The following SMCHD1 variants were observed in gnomAD, a reference collection of about 807,000 sequenced individuals.
The protein encoded by SMCHD1 is structural maintenance of chromosomes flexible hinge domain-containing protein 1.
A neutral mutation model predicts 254.7 loss-of-function variants in SMCHD1; 78 were observed. The ratio of observed to expected loss-of-function variants is 0.31; its 90% CI spans 0.26 to 0.37. The LOEUF is 0.37. Ranked by LOEUF, SMCHD1 falls within the 10% of genes least tolerant of loss-of-function variation. SMCHD1 has a pLI of 1.00. For synonymous variants in SMCHD1, 766 were observed against 794.9 expected (o/e 0.96, Z 0.61); for missense variants, 1,840 against 2,408.1 (o/e 0.76, Z 4.94).
chr18:2,797,147 A>C (rs553277436), intron 47 of SMCHD1, among the ~76,000 whole-genome samples: 21 of 152,308 alleles, frequency 1.4e-4, no homozygotes, highest in African/African-American at 5.1e-4. Flanking sequence ...GTAACTTAAT[A>C]AGTATAGAAT....
chr18:2,761,247 G>A (rs1178357248), intron 35 of SMCHD1, among the ~76,000 whole-genome samples: 1 of 152,106 alleles, frequency 6.6e-6, no homozygotes, highest in Non-Finnish European at 1.5e-5. Flanking sequence ...AACAGTAAAC[G>A]CTGGGGATTG....
chr18:2,666,808 T>C, intron 2 of SMCHD1, 62 bp from the exon 3 acceptor site: 1 of 1,332,958 alleles, frequency 7.5e-7, no homozygotes, highest in Non-Finnish European at 1.0e-6. Flanking sequence ...ATATTCACAA[T>C]TATAAGTTCA....
In SMCHD1 at chr18:2,663,249, G is replaced by T. The variant is rs1392190144; in HGVS notation, c.187-2908G>T. 2.0e-5 allele frequency among the ~76,000 whole-genome samples: 3 copies of T among 151,720 alleles called. No individual in the cohort carries two copies. In the South Asian group the frequency reaches 6.2e-4, roughly 32 times the overall value. ...GCCTCTTGAGTGGTTGTGACTACAC[G>T]TGTGCACCACCATGCCCAGCTATTT... On this transcript the variant is annotated intron_variant, in intron 1 of 47. Transcript: ENST00000320876.
chr18:2,715,874 T>A (rs1052235866), intron 17 of SMCHD1, among the ~76,000 whole-genome samples: 1 of 152,144 alleles, frequency 6.6e-6, no homozygotes, highest in Non-Finnish European at 1.5e-5. Flanking sequence ...AATCAGTATT[T>A]TGAATTTTTT....
intron 12 of SMCHD1, 55 bp downstream of exon 12, chr18:2,700,973 AAAAG>A: frequency 7.7e-7 from 1 of 1,304,214 alleles, no homozygotes; most frequent in Non-Finnish European, 1.0e-6. Context: ...ATTTTTAAGT[AAAAG>A]AAGACACTAG....
At chr18:2,771,982 AAG>A (rs1372282306) in intron 40 of SMCHD1, among the ~76,000 whole-genome samples, 17 of 152,330 alleles carry the variant, frequency 1.1e-4, no homozygotes, top group South Asian at 8.3e-4. Flanking sequence ...GTTTCAAGAG[AAG>A]TCCTATTATA....
chr18:2,781,605 ATATC>A (rs2076157710), intron 44 of SMCHD1, among the ~76,000 whole-genome samples: 1 of 152,212 alleles, frequency 6.6e-6, no homozygotes, highest in African/African-American at 2.4e-5. Flanking sequence ...AAATTGAAAA[ATATC>A]TATATTAATA....
intron 26 of SMCHD1, 34 bp from the exon 27 acceptor site, chr18:2,739,398 C>T: frequency 6.7e-7 from 1 of 1,497,762 alleles, no homozygotes; most frequent in Non-Finnish European, 9.3e-7. Flanking sequence ...TTAATGGTGT[C>T]ACTAAAGACT....
chr18:2,684,986 C>T (rs1186956395), intron 5 of SMCHD1, among the ~76,000 whole-genome samples: 1 of 151,576 alleles, frequency 6.6e-6, no homozygotes, highest in Admixed American at 6.6e-5. Flanking sequence ...TATTCATTTG[C>T]CTCTCTCCTT....
chr18:2,663,721 A>ATTTTTTTT (rs577543378), intron 1 of SMCHD1, among the ~76,000 whole-genome samples: 149 of 146,522 alleles, frequency 1.0e-3, no homozygotes, highest in African/African-American at 3.5e-3. Flanking sequence ...TATTCCAGGA[A>ATTTTTTTT]TTTTTTTTTT....
At chr18:2,757,893 T>TTA (rs2075712353) in intron 34 of SMCHD1, among the ~76,000 whole-genome samples, 2 of 151,876 alleles carry the variant, frequency 1.3e-5, no homozygotes, top group Non-Finnish European at 2.9e-5. Context: ...TATTATTATT[T>TTA]TTTTCTTGCA....
intron 45 of SMCHD1, chr18:2,784,968 T>C (rs1443986435): frequency 5.4e-6 from 2 of 370,722 alleles, no homozygotes; most frequent in African/African-American, 2.2e-5. Flanking sequence ...AAAGAAGAAA[T>C]TTCTGTCATT....
rs757510495 is a variant in SMCHD1, at chr18:2,796,499, C to A, written c.5971C>A (p.Arg1991=). 6.3e-7 allele frequency: 1 copy of A among 1,598,790 alleles called. No individual in the cohort carries two copies. Among genetic ancestry groups the A allele is most frequent in the Non-Finnish European group, 8.5e-7 (1 of 1,172,052 alleles). ...TCCAGTTCCTCCTAAAAGAATGAGA[C>A]GAGAAGCTACAAGACAAAATAGGTG... ...DCPVPPKRMR[R]EATRQNRIIT... is the part of the protein sequence containing the mutation. The change falls in exon 47 of 48, where the codon CGA becomes AGA. Residue 1991 remains arginine, a synonymous_variant. Coordinates refer to ENST00000320876, the MANE Select transcript of SMCHD1 (RefSeq NM_015295.3).
In SMCHD1 at chr18:2,766,133, A is replaced by G. The variant is rs549189329; in HGVS notation, c.4719+2344A>G. ...CTCAGCCTCCCAAGTAGCTGGTACT[A>G]CAGGCACCCACCACCACATCTAGCT... On this transcript the variant is annotated intron_variant, in intron 37 of 47. Coordinates refer to ENST00000320876, the MANE Select transcript of SMCHD1 (RefSeq NM_015295.3). 1.6e-4 allele frequency among the ~76,000 whole-genome samples: 24 copies of G among 152,184 alleles called. No individual in the cohort carries two copies. The East Asian group carries it at 3.5e-3, about 22-fold the overall frequency.
chr18:2,659,655 C>T (rs1339220696), intron 1 of SMCHD1, among the ~76,000 whole-genome samples: 1 of 151,344 alleles, frequency 6.6e-6, no homozygotes, highest in East Asian at 1.9e-4. Flanking sequence ...AAATTGTCTA[C>T]ATTTTCCTTT....
Position 2,698,520 on chromosome 18 carries a change from G to T in SMCHD1, c.1342+479G>T, listed in dbSNP as rs187375276. Among the ~76,000 whole-genome samples the T allele has an allele frequency of 4.6e-3, 697 of 152,130 alleles. 6 individuals carry two copies. Among genetic ancestry groups the T allele is most frequent in the Non-Finnish European group, 5.5e-3 (373 of 68,008 alleles). ...TTTTCTTTTTTGTATGTAGAGCAAGGTGGGGTTTTATTTATTTATTTAAAT... is the reference window on the plus strand; with the variant it reads ...TTTTCTTTTTTGTATGTAGAGCAAGTTGGGGTTTTATTTATTTATTTAAAT... On this transcript the variant is annotated intron_variant, in intron 10 of 47. Coordinates refer to ENST00000320876, the MANE Select transcript of SMCHD1 (RefSeq NM_015295.3).
chr18:2,711,791 G>A (rs1015690064), intron 17 of SMCHD1, among the ~76,000 whole-genome samples: 2 of 152,178 alleles, frequency 1.3e-5, no homozygotes, highest in African/African-American at 4.8e-5. Context: ...CTGGATGTTT[G>A]TCTTGATCCC....
At chr18:2,728,263 G>T (rs541708294) in intron 22 of SMCHD1, 194 bp from the exon 23 acceptor site, 2 of 529,428 alleles carry the variant, frequency 3.8e-6, no homozygotes, top group Non-Finnish European at 6.5e-6. Context: ...ATACAATTGA[G>T]ATAAGTCTTG....
chr18:2,707,549 T>C lies in SMCHD1; in HGVS notation c.2064-14T>C. ...CAAAGTTTGTGGAACATTAATATGC[T>C]GGTTTCATAACAGGCTCCCTGATAG... On this transcript the variant is annotated splice_polypyrimidine_tract_variant and intron_variant, in intron 15 of 47. Coordinates refer to ENST00000320876, the MANE Select transcript of SMCHD1 (RefSeq NM_015295.3). 1.3e-6 allele frequency: 2 copies of C among 1,544,592 alleles called. No homozygotes were observed. Among genetic ancestry groups the C allele is most frequent in the South Asian group, 1.2e-5 (1 of 84,544 alleles).
Sources: allele counts gnomAD v4.1 joint callset (sites outside exome capture counted in the v4.1 genomes callset), GRCh38; gene constraint gnomAD v4.1.1; transcripts MANE v1.5; gene names NCBI Gene and HGNC (gene_info 2026-07-23, HGNC 2026-07-21).